Variants in ZNF469 observed in about 807,000 individuals in gnomAD.
ZNF469 encodes the protein zinc finger protein 469.
A neutral mutation model predicts 1.0 loss-of-function variants in ZNF469; 1 was observed. The observed-to-expected ratio is 1.00, with a 90% CI of 0.35 to 4.73. The LOEUF is 4.73. Among genes scored for constraint, ZNF469 ranks in the 30% most tolerant of loss-of-function variants. The pLI is 0.16. For missense variants in ZNF469, 6,100 were observed against 5,356.3 expected (o/e 1.14, Z -4.33); for synonymous variants, 2,703 against 2,363.4 (o/e 1.14, Z -4.17).
Position 88,433,489 on chromosome 16 carries a change from G to T in ZNF469, c.6019G>T (p.Val2007Leu). 1 of 1,550,400 alleles carries T rather than the reference G, an allele frequency of 6.4e-7. No individual in the cohort carries two copies. Among genetic ancestry groups the T allele is most frequent in the East Asian group, 2.4e-5 (1 of 40,922 alleles). ...TANQLQPENG[V>L]SPGGTDNHAS... is the part of the protein sequence containing the mutation. ...CAACCAGCTTCAGCCAGAGAACGGG[G>T]TGAGCCCAGGGGGCACGGACAACCA... The change falls in exon 3 of 3, where the codon GTG becomes TTG. Residue 2007 changes from valine (V) to leucine (L), a missense_variant. Transcript: ENST00000565624.
At chr16:88,380,535 A>G (rs1406763086), upstream of ZNF469, among the ~76,000 whole-genome samples, 1 of 135,356 alleles carries the variant, frequency 7.4e-6, no homozygotes, top group Non-Finnish European at 1.6e-5. Flanking sequence ...ACTAACACAC[A>G]CGCACTAACA....
the ZNF469 span, among the ~76,000 whole-genome samples, chr16:88,372,062 CCATCATCACCATCACCACCAT>C: frequency 1.4e-3 from 7 of 4,974 alleles, no homozygotes; most frequent in African/African-American, 4.0e-3. Context: ...ATGATTACCA[CCATCATCACCATCACCACCAT>C]CATCACCATC....
the ZNF469 span, among the ~76,000 whole-genome samples, chr16:88,196,720 C>G: frequency 6.6e-6 from 1 of 152,228 alleles, no homozygotes; most frequent in African/African-American, 2.4e-5. Context: ...GGTGATATCA[C>G]CCCTTCATCA....
chr16:88,265,607 G>T, the ZNF469 span, among the ~76,000 whole-genome samples: 6 of 152,238 alleles, frequency 3.9e-5, no homozygotes, highest in African/African-American at 1.4e-4. Context: ...CACACCGTGT[G>T]GCTGGGGACC....
At chr16:88,320,019 G>T in the ZNF469 span, among the ~76,000 whole-genome samples, 1 of 152,220 alleles carries the variant, frequency 6.6e-6, no homozygotes, top group Non-Finnish European at 1.5e-5. Context: ...ATGATAACAG[G>T]CACCCCCCAA....
the ZNF469 span, among the ~76,000 whole-genome samples, chr16:88,315,403 C>T: frequency 6.6e-6 from 1 of 152,374 alleles, no homozygotes; most frequent in South Asian, 2.1e-4. Flanking sequence ...TTCTCCATCG[C>T]TGCCAGGCCA....
At chr16:88,340,624 AGAGG>A in the ZNF469 span, among the ~76,000 whole-genome samples, 33 of 152,184 alleles carry the variant, frequency 2.2e-4, no homozygotes, top group Non-Finnish European at 3.7e-4. Flanking sequence ...GCTGAGGCCC[AGAGG>A]GAGGAAGGAA....
the ZNF469 span, among the ~76,000 whole-genome samples, chr16:88,323,074 A>T: frequency 6.6e-6 from 1 of 152,166 alleles, no homozygotes; most frequent in African/African-American, 2.4e-5. Flanking sequence ...CATGAGCCTC[A>T]GTTCCCCTCG....
chr16:88,422,829 TGATGGATGGGTG>T (rs1174990745), intron 1 of ZNF469, among the ~76,000 whole-genome samples: 1 of 128,214 alleles, frequency 7.8e-6, no homozygotes, highest in African/African-American at 3.2e-5. Flanking sequence ...GGTGGGTGGG[TGATGGATGGGTG>T]GATGGATGGA....
At chr16:88,218,286 GTTGT>G in the ZNF469 span, among the ~76,000 whole-genome samples, 9 of 116,682 alleles carry the variant, frequency 7.7e-5, no homozygotes, top group African/African-American at 1.7e-4. Flanking sequence ...TTTTGATGGG[GTTGT>G]TTGTTTTTTT....
At chr16:88,197,800 C>T in the ZNF469 span, among the ~76,000 whole-genome samples, 11 of 152,192 alleles carry the variant, frequency 7.2e-5, no homozygotes, top group African/African-American at 1.9e-4. Context: ...GGTGGGAGGC[C>T]GTGGGCATCT....
the ZNF469 span, among the ~76,000 whole-genome samples, chr16:88,221,543 G>A: frequency 6.6e-6 from 1 of 152,338 alleles, no homozygotes; most frequent in Middle Eastern, 3.4e-3. Flanking sequence ...GACTGTGCCG[G>A]AGAAGGGGCC....
At position 88,436,643 on chromosome 16, in the gene ZNF469, T is replaced by A. The variant is rs796755347; in HGVS notation, c.9173T>A (p.Leu3058Gln). 4.0e-5 allele frequency: 62 copies of A among 1,550,284 alleles called. 1 individual carries two copies. The Admixed American group carries it at 1.2e-3, about 29-fold the overall frequency. Residue 3058 changes from leucine (L) to glutamine (Q), a missense_variant, in exon 3 of 3, where the codon CTG (leucine) becomes CAG (glutamine). By Grantham distance (113) the Leu-to-Gln change is moderately radical. Transcript: ENST00000565624. ...AGCACCAAGTTTGAGATGCAAGACC[T>A]GTGCTTTCTGGGACCCTTTGAAGAC... ...VLSTKFEMQD[L>Q]CFLGPFEDPV...
At chr16:88,385,208 A>G (rs1225008976) in intron 1 of ZNF469, among the ~76,000 whole-genome samples, 1 of 151,970 alleles carries the variant, frequency 6.6e-6, no homozygotes, top group Non-Finnish European at 1.5e-5. Context: ...GGAAGCAGAG[A>G]TGCCCTCCCC....
At chr16:88,216,280 G>T in the ZNF469 span, among the ~76,000 whole-genome samples, 26 of 152,240 alleles carry the variant, frequency 1.7e-4, no homozygotes, top group East Asian at 5.0e-3. Context: ...TGGATCACGA[G>T]GTCAGGAGAT....
At chr16:88,121,651 A>G in the ZNF469 span, among the ~76,000 whole-genome samples, 5 of 152,182 alleles carry the variant, frequency 3.3e-5, no homozygotes, top group Admixed American at 2.0e-4. Flanking sequence ...ATTTATTCCA[A>G]TGACCTAAGG....
intron 1 of ZNF469, among the ~76,000 whole-genome samples, chr16:88,398,490 G>A (rs1199447132): frequency 6.6e-6 from 1 of 151,676 alleles, no homozygotes; most frequent in Non-Finnish European, 1.5e-5. Flanking sequence ...ATGAAGGGGG[G>A]CATGTGAGCC....
chr16:88,105,634 A>C, the ZNF469 span, among the ~76,000 whole-genome samples: 1 of 152,106 alleles, frequency 6.6e-6, no homozygotes, highest in African/African-American at 2.4e-5. Context: ...GCCCAGGGGG[A>C]CACAGTGAAC....
At chr16:88,177,705 C>G in the ZNF469 span, 2 of 152,074 alleles carry the variant, frequency 1.3e-5, no homozygotes, top group African/African-American at 2.4e-5. The surrounding 1 kb of genome is among the most constrained non-coding windows in gnomAD (Gnocchi z 4.8). Context: ...GGGCCTCGTA[C>G]TTTTATTTTT....
Sources: allele counts gnomAD v4.1 joint callset (sites outside exome capture counted in the v4.1 genomes callset), GRCh38; gene constraint gnomAD v4.1.1; non-coding constraint Gnocchi (gnomAD v3.1); transcripts MANE v1.5; gene names NCBI Gene and HGNC (gene_info 2026-07-23, HGNC 2026-07-21).